Variants in ITPK1 observed in about 807,000 individuals in gnomAD.
ITPK1 encodes the protein inositol-tetrakisphosphate 1-kinase, also known as inositol 1,3,4-trisphosphate 5/6-kinase.
Under a neutral mutation model 45.3 loss-of-function variants are expected in ITPK1, and 21 were observed. The ratio of observed to expected loss-of-function variants is 0.46; its 90% confidence interval spans 0.33 to 0.67. The LOEUF (loss-of-function observed/expected upper bound fraction) is 0.67. Ranked by LOEUF, ITPK1 falls within the 30% of genes least tolerant of loss-of-function variation. The probability of loss-of-function intolerance (pLI) is 0.02; values close to 1 mark genes in which losing one functional copy is unlikely to be tolerated. For synonymous variants in ITPK1, 258 were observed against 253.6 expected (o/e 1.02, Z -0.16); for missense variants, 474 against 573.5 (o/e 0.83, Z 1.77).
chr14:92,976,979 T>C (rs1018220115), intron 5 of ITPK1, among the ~76,000 whole-genome samples: 2 of 152,242 alleles, frequency 1.3e-5, no homozygotes, highest in Non-Finnish European at 2.9e-5. Context: ...CCAAACACTG[T>C]AGCCAGTCCC....
intron 2 of ITPK1, among the ~76,000 whole-genome samples, chr14:93,082,954 G>A (rs1007262679): frequency 6.6e-6 from 1 of 152,204 alleles, no homozygotes. Flanking sequence ...GCAGATTTCT[G>A]CTCAAGCCAG....
chr14:93,062,133 T>C (rs955473262), intron 3 of ITPK1, among the ~76,000 whole-genome samples: 1 of 152,124 alleles, frequency 6.6e-6, no homozygotes, highest in East Asian at 1.9e-4. Context: ...TAGCCAGGCA[T>C]GGTGGCGCGT....
chr14:93,036,445 C>A lies in ITPK1; in HGVS notation c.121-19644G>T, dbSNP rs1034503534. 7.9e-5 allele frequency among the ~76,000 whole-genome samples: 12 copies of A among 152,194 alleles called. No homozygotes were observed. The highest frequency in any genetic ancestry group is 2.9e-4 in the African/African-American group (12 of 41,430). On this transcript the variant is annotated intron_variant, in intron 3 of 10. Coordinates refer to ENST00000267615, the MANE Select transcript of ITPK1 (RefSeq NM_014216.6). This position sits in a 1 kb window ranked among gnomAD's most constrained non-coding sequence, Gnocchi z 4.1. ...CAGTATTCACGGCTGCTTTCCCGCA[C>A]GTCAGACACAGCCAACAATGACAAA... is the stretch of plus-strand genomic sequence containing the variant.
rs1047863597 is a variant in ITPK1 at position 92,951,929 on chromosome 14, C to T, written c.738+17G>A. The T allele has an allele frequency of 1.7e-5, 27 of 1,566,106 alleles. No homozygotes were observed. The highest frequency in any genetic ancestry group is 2.3e-5 in the Non-Finnish European group (26 of 1,154,412). The stretch of plus-strand genomic sequence containing the variant: ...GAGGGCAGTTTCAGGCCAGGCCATC[C>T]CAGCAGAGGGACCCACCTCCGTCAG... On this transcript the variant is annotated intron_variant, in intron 9 of 10. Coordinates refer to ENST00000267615, the MANE Select transcript of ITPK1 (RefSeq NM_014216.6).
chr14:92,974,721 C>T (rs1198393585), intron 5 of ITPK1, among the ~76,000 whole-genome samples: 1 of 152,254 alleles, frequency 6.6e-6, no homozygotes, highest in Non-Finnish European at 1.5e-5. Context: ...TGCTTAGGCA[C>T]TGAGGAACTC....
At chr14:93,018,026 C>T (rs1442781846) in intron 3 of ITPK1, among the ~76,000 whole-genome samples, 1 of 152,202 alleles carries the variant, frequency 6.6e-6, no homozygotes, top group African/African-American at 2.4e-5. Flanking sequence ...CCATTCCCCG[C>T]TGCCTGCCCC....
intron 2 of ITPK1, among the ~76,000 whole-genome samples, chr14:93,100,017 C>T (rs1337054309): frequency 6.6e-6 from 1 of 152,354 alleles, no homozygotes; most frequent in East Asian, 1.9e-4. Flanking sequence ...AGCACGTCCA[C>T]TCCCACCTCA....
intron 8 of ITPK1, among the ~76,000 whole-genome samples, chr14:92,955,823 C>T (rs1416188017): frequency 6.6e-6 from 1 of 152,204 alleles, no homozygotes; most frequent in Non-Finnish European, 1.5e-5. Flanking sequence ...TGTCATTGGG[C>T]AAAGGAAATT....
At position 92,939,607 on chromosome 14, in the gene ITPK1, A is replaced by G; in HGVS notation, c.*1954T>C. 2 of 625,988 alleles carry G rather than the reference A, an allele frequency of 3.2e-6. No homozygotes were observed. The highest frequency in any genetic ancestry group is 3.9e-6 in the Non-Finnish European group (2 of 510,588). 38.8% of individuals were successfully genotyped at this position (625,988 alleles called of 1,614,324 possible). On this transcript the variant is annotated 3_prime_UTR_variant, in exon 11 of 11. Coordinates refer to ENST00000267615, the MANE Select transcript of ITPK1 (RefSeq NM_014216.6). ...CCCACAGCCCCGCCCCCGCCCCACC[A>G]CGGAGGCCTATGGACGCCACCACGA...
chr14:93,042,490 T>C (rs1889598214), intron 3 of ITPK1, among the ~76,000 whole-genome samples: 1 of 152,148 alleles, frequency 6.6e-6, no homozygotes, highest in South Asian at 2.1e-4. Flanking sequence ...TCTCTAGTTT[T>C]GAGGGTGCTG....
chr14:93,060,333 C>T (rs1259205799), intron 3 of ITPK1, among the ~76,000 whole-genome samples: 1 of 152,200 alleles, frequency 6.6e-6, no homozygotes, highest in Non-Finnish European at 1.5e-5. Context: ...AGCTCTGCTT[C>T]CTGCAAGCTC....
At chr14:93,038,596 C>T (rs927758936) in intron 3 of ITPK1, among the ~76,000 whole-genome samples, 2 of 152,160 alleles carry the variant, frequency 1.3e-5, no homozygotes, top group South Asian at 4.1e-4. Flanking sequence ...GGTGCAATCT[C>T]GGCTCACTGC....
chr14:93,103,647 G>C (rs1892410229), intron 2 of ITPK1, among the ~76,000 whole-genome samples: 3 of 152,162 alleles, frequency 2.0e-5, no homozygotes. Flanking sequence ...TGGCATGTAA[G>C]TGCATAAAGG....
Position 92,966,515 on chromosome 14 carries a change from A to G in ITPK1, c.365-3666T>C, listed in dbSNP as rs147066462. ...GATTTAATATTGTTAAGTGGGCAAT[A>G]CTCCCAAATTGATCTATAGACTCAA... On this transcript the variant is annotated intron_variant, in intron 5 of 10. Transcript: ENST00000267615. Among the ~76,000 whole-genome samples, 54 of 152,274 alleles carry G rather than the reference A, an allele frequency of 3.5e-4. 1 individual carries two copies. The East Asian group carries it at 0.01, about 29-fold the overall frequency.
chr14:92,970,147 G>A (rs992112232), intron 5 of ITPK1, among the ~76,000 whole-genome samples: 1 of 152,178 alleles, frequency 6.6e-6, no homozygotes, highest in African/African-American at 2.4e-5. Context: ...TGACAAACAG[G>A]TGGACCCGAG....
intron 5 of ITPK1, among the ~76,000 whole-genome samples, chr14:92,965,629 G>C (rs1020997558): frequency 2.0e-5 from 3 of 152,180 alleles, no homozygotes; most frequent in Non-Finnish European, 4.4e-5. Context: ...AAAACTATTA[G>C]AGCTAATAAA....
rs764902793 is a variant in ITPK1 at position 93,088,336 on chromosome 14, G to GTTTTTTT, written c.96-11718_96-11717insAAAAAAA. Reference sequence around the variant, plus strand: ...GTTGCATCTTTTCTTTTTTGGTTTTGTTTTGTTTTTTTTTTTTTTTTGAGA... The same window carrying GTTTTTTT: ...GTTGCATCTTTTCTTTTTTGGTTTTGTTTTTTTTTTTGTTTTTTTTTTTTTTTTGAGA... On this transcript the variant is annotated intron_variant, in intron 2 of 10. Coordinates refer to ENST00000267615, the MANE Select transcript of ITPK1 (RefSeq NM_014216.6). Among the ~76,000 whole-genome samples, 333 of 126,588 alleles carry GTTTTTTT rather than the reference G, an allele frequency of 2.6e-3. 14 individuals are homozygous for GTTTTTTT. The highest frequency in any genetic ancestry group is 3.3e-3 in the Non-Finnish European group (211 of 64,838). 83.0% of individuals were successfully genotyped at this position (126,588 alleles called of 152,430 possible).
intron 5 of ITPK1, among the ~76,000 whole-genome samples, chr14:92,976,328 A>G (rs1485166139): frequency 6.6e-6 from 1 of 152,164 alleles, no homozygotes; most frequent in Non-Finnish European, 1.5e-5. Context: ...CCTCACAGAT[A>G]AATAGAATAT....
intron 4 of ITPK1, among the ~76,000 whole-genome samples, chr14:93,009,583 G>C (rs1346661273): frequency 6.6e-6 from 1 of 152,210 alleles, no homozygotes; most frequent in African/African-American, 2.4e-5. Flanking sequence ...CCTGGCATTG[G>C]TGCACAATGG....
Sources: allele counts gnomAD v4.1 joint callset (sites outside exome capture counted in the v4.1 genomes callset), GRCh38; gene constraint gnomAD v4.1.1; non-coding constraint Gnocchi (gnomAD v3.1); transcripts MANE v1.5; gene names NCBI Gene and HGNC (gene_info 2026-07-23, HGNC 2026-07-21).